The following PCSK2 variants were observed in gnomAD, a reference collection of about 807,000 sequenced individuals.
PCSK2 encodes the protein proprotein convertase subtilisin/kexin type 2.
Under a neutral mutation model 69.7 loss-of-function variants are expected in PCSK2, and 14 were observed. That is an observed-to-expected ratio of 0.20 (90% confidence interval 0.13 to 0.31). The LOEUF (loss-of-function observed/expected upper bound fraction) is 0.31. Among genes scored for constraint, PCSK2 ranks in the 10% least tolerant of loss-of-function variants. PCSK2 has a pLI of 1.00. For synonymous variants in PCSK2, 307 were observed against 320.7 expected (o/e 0.96, Z 0.46); for missense variants, 544 against 842.5 (o/e 0.65, Z 4.39).
intron 2 of PCSK2, among the ~76,000 whole-genome samples, chr20:17,333,650 A>G (rs1415039999): frequency 6.6e-6 from 1 of 151,972 alleles, no homozygotes; most frequent in African/African-American, 2.4e-5. Context: ...AGTACTAAGA[A>G]GTAGTTTAAG....
intron 5 of PCSK2, among the ~76,000 whole-genome samples, chr20:17,369,731 G>T (rs1297699423): frequency 2.0e-5 from 3 of 152,084 alleles, no homozygotes; most frequent in African/African-American, 7.2e-5. Flanking sequence ...AGAAGAGAGA[G>T]ACTTGGCAAG....
At chr20:17,434,593 T>C (rs1342094391) in intron 7 of PCSK2, among the ~76,000 whole-genome samples, 1 of 152,154 alleles carries the variant, frequency 6.6e-6, no homozygotes, top group Admixed American at 6.5e-5. Context: ...AGGGAGCCCA[T>C]GAAGGTGATA....
chr20:17,437,599 A>G (rs946963277), intron 8 of PCSK2, among the ~76,000 whole-genome samples: 1 of 152,174 alleles, frequency 6.6e-6, no homozygotes, highest in African/African-American at 2.4e-5. Flanking sequence ...AACGGTGATA[A>G]TGAGGGGTCA....
intron 11 of PCSK2, 25 bp downstream of exon 11, chr20:17,465,578 G>A (rs1335662652): frequency 1.4e-6 from 2 of 1,443,012 alleles, no homozygotes; most frequent in East Asian, 4.6e-5. Context: ...TGGTCCCTCT[G>A]CTGCATGTGG....
intron 2 of PCSK2, among the ~76,000 whole-genome samples, chr20:17,310,819 G>A (rs113011952): frequency 1.2e-3 from 175 of 151,524 alleles, no homozygotes; most frequent in African/African-American, 3.6e-3. Flanking sequence ...GTGAAACCCC[G>A]TCTCTACTAA....
At position 17,227,046 on chromosome 20, in the gene PCSK2, T is replaced by C. The variant is rs1259941800; in HGVS notation, c.-260T>C. 3 of 459,796 alleles carry C rather than the reference T, an allele frequency of 6.5e-6. No individual in the cohort carries two copies. The highest frequency in any genetic ancestry group is 1.2e-5 in the Non-Finnish European group (3 of 259,834). 28.5% of individuals were successfully genotyped at this position (459,796 alleles called of 1,614,324 possible). The stretch of plus-strand genomic sequence containing the variant: ...CAAGCACAGACCTACACTCGCTCTT[T>C]CTCTCCGGTACACACAGCTCCCCAC... On this transcript the variant is annotated 5_prime_UTR_variant, in exon 1 of 12. Coordinates refer to ENST00000262545, the MANE Select transcript of PCSK2 (RefSeq NM_002594.5).
intron 5 of PCSK2, among the ~76,000 whole-genome samples, chr20:17,392,196 C>T (rs946424800): frequency 6.6e-6 from 1 of 152,138 alleles, no homozygotes; most frequent in Non-Finnish European, 1.5e-5. Context: ...AAGGAAACTA[C>T]GCCTGTTCCT....
intron 2 of PCSK2, among the ~76,000 whole-genome samples, chr20:17,297,703 A>G (rs1043848438): frequency 6.6e-6 from 1 of 152,214 alleles, no homozygotes; most frequent in Admixed American, 6.5e-5. Context: ...CTTCCTTATC[A>G]ATATAAAATC....
At chr20:17,349,357 A>G (rs1479273006) in intron 2 of PCSK2, among the ~76,000 whole-genome samples, 2 of 152,374 alleles carry the variant, frequency 1.3e-5, no homozygotes, top group East Asian at 3.9e-4. Context: ...GATGAAGGAT[A>G]CACAACCCAA....
At chr20:17,340,617 C>G (rs6080643) in intron 2 of PCSK2, among the ~76,000 whole-genome samples, 1 of 152,002 alleles carries the variant, frequency 6.6e-6, no homozygotes, top group Admixed American at 6.6e-5. Flanking sequence ...CTCCGTCTTA[C>G]GGATTTGGGC....
At chr20:17,283,375 A>T (rs73094413) in intron 2 of PCSK2, among the ~76,000 whole-genome samples, 23,984 of 152,066 alleles carry the variant, frequency 0.16, 2,256 homozygotes, top group Non-Finnish European at 0.22. Flanking sequence ...AAAAAGGCAC[A>T]GAGTGATGTC....
Position 17,453,693 on chromosome 20 carries a change from T to C in PCSK2, c.886-49T>C. The C allele has an allele frequency of 6.2e-7, 1 of 1,602,124 alleles. No homozygotes were observed. Among genetic ancestry groups the C allele is most frequent in the Non-Finnish European group, 8.5e-7 (1 of 1,175,998 alleles). ...TGGGCTGGAGACCTCCCCTGCCCCCTCGCAGCCCAGGCTGTGGGTAGCGGC... is the reference window on the plus strand; with the variant it reads ...TGGGCTGGAGACCTCCCCTGCCCCCCCGCAGCCCAGGCTGTGGGTAGCGGC... On this transcript the variant is annotated intron_variant, in intron 8 of 11. Transcript: ENST00000262545. The surrounding 1 kb of genome is among the most constrained non-coding windows in gnomAD (Gnocchi z 4.0).
rs371414413 is a variant in PCSK2 at position 17,371,614 on chromosome 20, C to T, written c.543+2337C>T. ...ACAGATTCAAAACTAGCCATAATAC[C>T]ACCATTCTTATTATTTTGACATATT... On this transcript the variant is annotated intron_variant, in intron 5 of 11. Coordinates refer to ENST00000262545, the MANE Select transcript of PCSK2 (RefSeq NM_002594.5). Among the ~76,000 whole-genome samples the T allele has an allele frequency of 6.6e-5, 10 of 152,020 alleles. No individual in the cohort carries two copies. The South Asian group carries it at 2.1e-3, about 32-fold the overall frequency.
intron 2 of PCSK2, among the ~76,000 whole-genome samples, chr20:17,269,696 A>G (rs186263535): frequency 2.0e-5 from 3 of 152,266 alleles, no homozygotes; most frequent in Non-Finnish European, 4.4e-5. Flanking sequence ...TGCAATCCCA[A>G]CTAGGCACTA....
chr20:17,325,072 C>A (rs1990000801), intron 2 of PCSK2, among the ~76,000 whole-genome samples: 1 of 152,144 alleles, frequency 6.6e-6, no homozygotes, highest in African/African-American at 2.4e-5. Flanking sequence ...CCTGAGACCA[C>A]AAACATGTCA....
chr20:17,468,541 G>A lies in PCSK2; in HGVS notation c.1430+2988G>A, dbSNP rs80298378. Among the ~76,000 whole-genome samples the A allele has an allele frequency of 2.1e-4, 31 of 150,104 alleles. 1 individual carries two copies. In the East Asian group the frequency reaches 6.2e-3, roughly 30 times the overall value. ...TGCTGTAGGCGGGCAGCCTACCATA[G>A]GTCAGCATCCTCCCACAGGCCAGCG... On this transcript the variant is annotated intron_variant, in intron 11 of 11. Transcript: ENST00000262545.
intron 1 of PCSK2, among the ~76,000 whole-genome samples, chr20:17,238,189 C>A (rs1391901602): frequency 6.6e-6 from 1 of 152,044 alleles, no homozygotes; most frequent in African/African-American, 2.4e-5. Context: ...ATAGACCATC[C>A]CTTCAAGAGG....
chr20:17,353,210 C>T (rs1305895091), intron 2 of PCSK2, among the ~76,000 whole-genome samples: 1 of 151,504 alleles, frequency 6.6e-6, no homozygotes, highest in Non-Finnish European at 1.5e-5. Context: ...TGCCTGTAAT[C>T]CCAGCACTTT....
chr20:17,439,935 C>T (rs1010598574), intron 8 of PCSK2, among the ~76,000 whole-genome samples: 7 of 152,198 alleles, frequency 4.6e-5, no homozygotes, highest in Non-Finnish European at 1.0e-4. Context: ...GAAGGAAGCA[C>T]ATAGGGCACC....
Sources: gnomAD v4.1 joint callset for allele counts (sites outside exome capture counted in the v4.1 genomes callset) on GRCh38, gnomAD v4.1.1 for gene constraint, Gnocchi (gnomAD v3.1) non-coding constraint, MANE v1.5 for transcripts, NCBI Gene and HGNC (gene_info 2026-07-23, HGNC 2026-07-21) for gene names.